Variants in PCDHAC1 observed in about 807,000 individuals in gnomAD.
The protein encoded by PCDHAC1 is protocadherin alpha subfamily C, 1, also known as protocadherin alpha-C1.
PCDHAC1 carries 42 observed loss-of-function variants against 60.0 expected under a neutral mutation model. The observed-to-expected ratio is 0.70, with a 90% CI of 0.55 to 0.90. The LOEUF (loss-of-function observed/expected upper bound fraction) is 0.90, where lower values mean the gene tolerates loss of function less well. Ranked by LOEUF, PCDHAC1 falls within the 40% of genes least tolerant of loss-of-function variation. PCDHAC1 has a pLI of 0.00. For missense variants in PCDHAC1, 1,160 were observed against 1,222.3 expected (o/e 0.95, Z 0.76); for synonymous variants, 468 against 499.3 (o/e 0.94, Z 0.84).
chr5:140,966,932 G>T, intron 1 of PCDHAC1: 2 of 1,603,726 alleles, frequency 1.2e-6, no homozygotes, highest in Non-Finnish European at 1.7e-6. Context: ...GGCACCCGGC[G>T]CGCTCGTGGG....
In PCDHAC1 at chr5:140,929,213, A is replaced by T. The variant is rs199608631; in HGVS notation, c.2321A>T (p.Glu774Val). The change falls in exon 1 of 4, where the codon GAG becomes GTG. Residue 774 changes from glutamate to valine, a missense_variant. Glu to Val is a moderately radical substitution (Grantham distance 121). Coordinates refer to ENST00000253807, the MANE Select transcript of PCDHAC1 (RefSeq NM_018898.5). ...SDNNSLLLRG[E>V]YNAADLRNLA... ...AATAACAGTTTGCTGTTGCGTGGGG[A>T]GTACAATGCTGCCGACCTGCGAAAT... 3 of 1,614,052 alleles carry T rather than the reference A, an allele frequency of 1.9e-6. No homozygotes were observed. The East Asian group carries it at 6.7e-5, about 36-fold the overall frequency.
chr5:140,976,244 A>G (rs996854178), intron 1 of PCDHAC1, among the ~76,000 whole-genome samples: 1 of 152,160 alleles, frequency 6.6e-6, no homozygotes, highest in Non-Finnish European at 1.5e-5. Context: ...CATTTCATGT[A>G]AATTTATTTA....
intron 1 of PCDHAC1, among the ~76,000 whole-genome samples, chr5:140,951,543 C>G (rs246041): frequency 0.56 from 85,284 of 151,440 alleles, 24,613 homozygotes; most frequent in African/African-American, 0.69. Flanking sequence ...GAGCAAGGGA[C>G]GGGGGGAAGT....
At chr5:140,933,073 T>C (rs1198976304) in intron 1 of PCDHAC1, among the ~76,000 whole-genome samples, 1 of 152,026 alleles carries the variant, frequency 6.6e-6, no homozygotes, top group Non-Finnish European at 1.5e-5. Context: ...TAAAGTATTA[T>C]GGGAAGTAAG....
intron 3 of PCDHAC1, among the ~76,000 whole-genome samples, chr5:140,993,156 A>G (rs2097543367): frequency 6.6e-6 from 1 of 152,188 alleles, no homozygotes; most frequent in Admixed American, 6.5e-5. Context: ...TGGATTCTAA[A>G]TATTTGCCTT....
intron 1 of PCDHAC1, among the ~76,000 whole-genome samples, chr5:140,976,181 A>G (rs1334452758): frequency 6.6e-6 from 1 of 152,208 alleles, no homozygotes; most frequent in Non-Finnish European, 1.5e-5. Flanking sequence ...ATTGTTTTAA[A>G]TCAATATCCT....
In PCDHAC1 at chr5:140,978,014, A is replaced by C. The variant is rs939579655; in HGVS notation, c.2434-935A>C. ...AGTGTCACAAGTTTTTCACAGTGAC[A>C]TTTTTGCTTACTGATACAAGACAGT... On this transcript the variant is annotated intron_variant, in intron 1 of 3. Transcript: ENST00000253807. Among the ~76,000 whole-genome samples, 9 of 152,256 alleles carry C rather than the reference A, an allele frequency of 5.9e-5. 1 individual carries two copies. The highest frequency in any genetic ancestry group is 2.2e-4 in the African/African-American group (9 of 41,540).
intron 3 of PCDHAC1, among the ~76,000 whole-genome samples, chr5:141,007,525 G>C (rs782132903): frequency 1.3e-4 from 19 of 151,814 alleles, no homozygotes; most frequent in Non-Finnish European, 2.5e-4. Context: ...CTGATATCTC[G>C]CCACTGCACT....
intron 3 of PCDHAC1, among the ~76,000 whole-genome samples, chr5:141,007,961 C>G (rs1554261577): frequency 6.6e-6 from 1 of 152,176 alleles, no homozygotes; most frequent in East Asian, 1.9e-4. Flanking sequence ...TGCTCATTCT[C>G]TGGGTGTCTG....
At chr5:140,946,631 T>TATATATATATACACACAC (rs57893927) in intron 1 of PCDHAC1, among the ~76,000 whole-genome samples, 1 of 131,846 alleles carries the variant, frequency 7.6e-6, no homozygotes, top group East Asian at 2.0e-4. Context: ...TATATATATA[T>TATATATATATACACACAC]ACAATGGAAT....
intron 3 of PCDHAC1, among the ~76,000 whole-genome samples, chr5:141,006,017 G>A (rs139294218): frequency 1.3e-5 from 2 of 151,190 alleles, no homozygotes; most frequent in African/African-American, 4.8e-5. Context: ...TATGGTTGGA[G>A]TATAATAGTA....
intron 1 of PCDHAC1, among the ~76,000 whole-genome samples, chr5:140,963,059 A>G (rs1307714661): frequency 6.6e-6 from 1 of 152,162 alleles, no homozygotes; most frequent in Non-Finnish European, 1.5e-5. Context: ...GGGTTTCTAC[A>G]TTGTGAAGGA....
intron 1 of PCDHAC1, chr5:140,968,131 G>A (rs1485866692): frequency 1.2e-6 from 2 of 1,614,042 alleles, no homozygotes; most frequent in African/African-American, 1.3e-5. Context: ...TGCGTACACT[G>A]AAGGTTGAGA....
chr5:140,926,780 G>A lies in PCDHAC1; in HGVS notation c.-113G>A. The A allele has an allele frequency of 1.4e-6, 2 of 1,397,714 alleles. No individual in the cohort carries two copies. The highest frequency in any genetic ancestry group is 1.9e-6 in the Non-Finnish European group (2 of 1,074,948). 86.6% of individuals were successfully genotyped at this position (1,397,714 alleles called of 1,614,324 possible). A position where few individuals can be genotyped will look rare whatever the true frequency, so the allele number is the denominator to read the frequency against. On this transcript the variant is annotated 5_prime_UTR_variant, in exon 1 of 4. Transcript: ENST00000253807. ...TGAGTATCCAGCCCGCAGCAGTGACGGCCGGCAGGAGCGTGCTCTTCCCCG... is the reference window on the plus strand; with the variant it reads ...TGAGTATCCAGCCCGCAGCAGTGACAGCCGGCAGGAGCGTGCTCTTCCCCG...
intron 1 of PCDHAC1, among the ~76,000 whole-genome samples, chr5:140,943,363 T>C (rs1192531762): frequency 2.0e-5 from 3 of 148,712 alleles, no homozygotes; most frequent in Non-Finnish European, 4.5e-5. Flanking sequence ...GGAAAGGAGA[T>C]CATTAAAATA....
chr5:140,967,387 T>A (rs1158599127), intron 1 of PCDHAC1: 4 of 1,609,114 alleles, frequency 2.5e-6, no homozygotes, highest in Non-Finnish European at 3.4e-6. Flanking sequence ...GTAAAGTGCT[T>A]GAGCTGGTGC....
intron 1 of PCDHAC1, among the ~76,000 whole-genome samples, chr5:140,952,416 G>A (rs114343205): frequency 2.1e-3 from 324 of 151,824 alleles, no homozygotes; most frequent in African/African-American, 7.0e-3. Flanking sequence ...TTAATGTTCC[G>A]CAGATTCCTA....
At chr5:140,934,690 T>C (rs1263392505) in intron 1 of PCDHAC1, among the ~76,000 whole-genome samples, 1 of 152,198 alleles carries the variant, frequency 6.6e-6, no homozygotes, top group Non-Finnish European at 1.5e-5. Flanking sequence ...AAACAATGAA[T>C]TGATTCCTGG....
chr5:141,008,437 C>T (rs1261106138), intron 3 of PCDHAC1, among the ~76,000 whole-genome samples: 1 of 152,182 alleles, frequency 6.6e-6, no homozygotes. Context: ...TTTGCCCAGA[C>T]AGACCATTAC....
Sources: allele counts gnomAD v4.1 joint callset (sites outside exome capture counted in the v4.1 genomes callset), GRCh38; gene constraint gnomAD v4.1.1; transcripts MANE v1.5; gene names NCBI Gene and HGNC (gene_info 2026-07-23, HGNC 2026-07-21).